TENM2: variants seen among roughly 807,000 people sequenced by gnomAD.
The protein encoded by TENM2 is teneurin transmembrane protein 2.
Under a neutral mutation model 245.2 loss-of-function variants are expected in TENM2, and 52 were observed. That is an observed-to-expected ratio of 0.21 (90% confidence interval 0.17 to 0.27). The LOEUF (loss-of-function observed/expected upper bound fraction) is 0.27. TENM2 is among the 10% of genes least tolerant of loss of function. The pLI, the probability that TENM2 is intolerant of heterozygous loss-of-function variation, is 1.00. For synonymous variants in TENM2, 1,363 were observed against 1,438.9 expected (o/e 0.95, Z 1.19); for missense variants, 3,046 against 3,666.8 (o/e 0.83, Z 4.37).
At chr5:167,978,424 A>G (rs1782597849) in intron 4 of TENM2, among the ~76,000 whole-genome samples, 2 of 152,246 alleles carry the variant, frequency 1.3e-5, no homozygotes, top group South Asian at 2.1e-4. Flanking sequence ...CACTCACACA[A>G]AAGGAAATAG....
At chr5:167,308,283 C>G (rs1338684756) in intron 1 of TENM2, among the ~76,000 whole-genome samples, 1 of 152,144 alleles carries the variant, frequency 6.6e-6, no homozygotes, top group Non-Finnish European at 1.5e-5. Context: ...CAACATGGGA[C>G]AAGTCTCAGA....
chr5:167,064,523 A>T, the TENM2 span, among the ~76,000 whole-genome samples: 5 of 152,144 alleles, frequency 3.3e-5, no homozygotes, highest in Non-Finnish European at 7.4e-5. Context: ...AGCAGATGAT[A>T]TTTAAGTACA....
intron 2 of TENM2, among the ~76,000 whole-genome samples, chr5:167,397,176 C>T (rs574357210): frequency 2.0e-5 from 3 of 151,642 alleles, no homozygotes; most frequent in East Asian, 2.0e-4. Flanking sequence ...AAGGCTACCA[C>T]GTTGCTTGTC....
intron 2 of TENM2, among the ~76,000 whole-genome samples, chr5:167,439,386 A>G (rs1764758194): frequency 6.6e-6 from 1 of 152,144 alleles, no homozygotes; most frequent in Non-Finnish European, 1.5e-5. Flanking sequence ...TGATGATTGA[A>G]CAACTGTTAA....
At chr5:167,790,130 A>G (rs543102073) in intron 2 of TENM2, among the ~76,000 whole-genome samples, 3 of 151,964 alleles carry the variant, frequency 2.0e-5, no homozygotes, top group Non-Finnish European at 4.4e-5. Flanking sequence ...TTTTAAAGAT[A>G]TGATGGAGCC....
intron 2 of TENM2, among the ~76,000 whole-genome samples, chr5:167,742,992 C>A (rs1348444696): frequency 7.0e-6 from 1 of 142,158 alleles, no homozygotes; most frequent in African/African-American, 3.0e-5. Context: ...ACAACAACAA[C>A]AACAACAACA....
At chr5:167,305,699 C>T (rs73363414) in intron 1 of TENM2, among the ~76,000 whole-genome samples, 3,920 of 152,218 alleles carry the variant, frequency 0.026, 156 homozygotes, top group African/African-American at 0.089. Flanking sequence ...GGCAGGGATT[C>T]GGCACATTTT....
the TENM2 span, among the ~76,000 whole-genome samples, chr5:167,025,872 T>C: frequency 6.6e-6 from 1 of 152,164 alleles, no homozygotes; most frequent in African/African-American, 2.4e-5. Flanking sequence ...AGAGCTTTCT[T>C]CTACCTCATA....
chr5:167,500,832 A>G (rs1769166264), intron 2 of TENM2, among the ~76,000 whole-genome samples: 1 of 152,126 alleles, frequency 6.6e-6, no homozygotes, highest in Non-Finnish European at 1.5e-5. Context: ...GTAGTTCCTC[A>G]AAGGGAAATT....
chr5:167,191,936 G>T, the TENM2 span, among the ~76,000 whole-genome samples: 1 of 151,992 alleles, frequency 6.6e-6, no homozygotes, highest in Non-Finnish European at 1.5e-5. Context: ...GATCTTGCTG[G>T]TATACTGACA....
chr5:167,006,585 G>A, the TENM2 span, among the ~76,000 whole-genome samples: 1 of 152,072 alleles, frequency 6.6e-6, no homozygotes, highest in Non-Finnish European at 1.5e-5. Flanking sequence ...ATGCATATGG[G>A]GGTATAGCTA....
chr5:167,646,543 GTGT>G (rs1373993561), intron 2 of TENM2, among the ~76,000 whole-genome samples: 1 of 151,894 alleles, frequency 6.6e-6, no homozygotes, highest in Non-Finnish European at 1.5e-5. Flanking sequence ...GTACTAAAAG[GTGT>G]TGTTGGGACT....
chr5:168,196,654 G>T (rs1761455584), intron 15 of TENM2, among the ~76,000 whole-genome samples: 1 of 152,174 alleles, frequency 6.6e-6, no homozygotes, highest in African/African-American at 2.4e-5. Context: ...TAGAGACGGG[G>T]TTTCACCATG....
At chr5:167,202,186 C>G in the TENM2 span, among the ~76,000 whole-genome samples, 1 of 152,184 alleles carries the variant, frequency 6.6e-6, no homozygotes, top group African/African-American at 2.4e-5. Flanking sequence ...TAAATTTCCT[C>G]TCTCTATGCA....
intron 14 of TENM2, among the ~76,000 whole-genome samples, chr5:168,192,791 T>C (rs1194800105): frequency 6.6e-6 from 1 of 152,206 alleles, no homozygotes; most frequent in East Asian, 1.9e-4. Flanking sequence ...TGGGCAGAGC[T>C]TGCACTGGGC....
intron 21 of TENM2, 31 bp from the exon 24 acceptor site, chr5:168,216,737 G>A: frequency 1.2e-6 from 2 of 1,613,266 alleles, no homozygotes; most frequent in Non-Finnish European, 1.7e-6. Context: ...ACCTTTCCAA[G>A]AGATAAATCC....
the TENM2 span, among the ~76,000 whole-genome samples, chr5:167,028,203 TGG>T: frequency 1.4e-4 from 21 of 152,276 alleles, no homozygotes; most frequent in Non-Finnish European, 2.9e-4. Context: ...TTTTTTATGG[TGG>T]CCCAAGAACG....
At chr5:167,608,075 G>A (rs1251624054) in intron 2 of TENM2, among the ~76,000 whole-genome samples, 1 of 152,024 alleles carries the variant, frequency 6.6e-6, no homozygotes, top group Non-Finnish European at 1.5e-5. Context: ...GAAATATTTG[G>A]TGCCCAGAAG....
chr5:168,260,557 G>A (rs1446347292), intron 28 of TENM2, 144 bp downstream of exon 30: 1 of 922,860 alleles, frequency 1.1e-6, no homozygotes, highest in Non-Finnish European at 1.6e-6. Context: ...AGACTTCCCA[G>A]GAAAGCGAAT....
Sources: allele counts gnomAD v4.1 joint callset (sites outside exome capture counted in the v4.1 genomes callset), GRCh38; gene constraint gnomAD v4.1.1; transcripts MANE v1.5; gene names NCBI Gene and HGNC (gene_info 2026-07-23, HGNC 2026-07-21).